NCK2: variants seen among roughly 807,000 people sequenced by gnomAD.
The protein encoded by NCK2 is cytoplasmic protein NCK2.
A neutral mutation model predicts 33.9 loss-of-function variants in NCK2; 16 were observed. That is an observed-to-expected ratio of 0.47 (90% CI 0.32 to 0.72). The LOEUF is 0.72. NCK2 is among the 30% of genes least tolerant of loss of function. The pLI, the probability that NCK2 is intolerant of heterozygous loss-of-function variation, is 0.03. For synonymous variants in NCK2, 273 were observed against 239.9 expected, an observed-to-expected ratio of 1.14 and a Z score of -1.27; for missense variants, 418 against 537.3, an observed-to-expected ratio of 0.78 and a Z score of 2.19.
At chr2:105,858,057 T>G (rs201886320) in intron 3 of NCK2, among the ~76,000 whole-genome samples, 25 of 93,056 alleles carry the variant, frequency 2.7e-4, no homozygotes, top group Admixed American at 6.5e-4. Context: ...GTTTTTTTTT[T>G]GTTTTTTTTT....
chr2:105,769,503 C>G (rs1316063114), intron 1 of NCK2, among the ~76,000 whole-genome samples: 2 of 152,160 alleles, frequency 1.3e-5, no homozygotes, highest in Non-Finnish European at 2.9e-5. Flanking sequence ...AAATGTAGCA[C>G]AAAAATTGTG....
At chr2:105,817,920 C>T (rs1212986645) in intron 2 of NCK2, among the ~76,000 whole-genome samples, 3 of 152,060 alleles carry the variant, frequency 2.0e-5, no homozygotes, top group Non-Finnish European at 2.9e-5. Context: ...CCAGCCATCC[C>T]ATTACTGGGT....
At chr2:105,786,550 C>T (rs1437150290) in intron 1 of NCK2, among the ~76,000 whole-genome samples, 3 of 152,200 alleles carry the variant, frequency 2.0e-5, no homozygotes, top group Non-Finnish European at 2.9e-5. Context: ...CTCATCCACA[C>T]CTTTAGGAAA....
intron 1 of NCK2, among the ~76,000 whole-genome samples, chr2:105,799,337 T>A (rs147765714): frequency 1.3e-3 from 196 of 152,324 alleles, no homozygotes; most frequent in African/African-American, 4.3e-3. Context: ...ATACTTTTAC[T>A]TTTTCATTGT....
upstream of NCK2, among the ~76,000 whole-genome samples, chr2:105,744,627 G>A (rs1313528026): frequency 6.6e-6 from 1 of 152,086 alleles, no homozygotes; most frequent in East Asian, 1.9e-4. Flanking sequence ...CCGGCGCCCG[G>A]CCCGTGCTGC....
chr2:105,771,085 G>A (rs575031241), intron 1 of NCK2, among the ~76,000 whole-genome samples: 1 of 151,944 alleles, frequency 6.6e-6, no homozygotes, highest in African/African-American at 2.4e-5. Flanking sequence ...ACCATGCCCA[G>A]CTACTTTTTT....
chr2:105,749,157 TC>T (rs1299161025), intron 1 of NCK2, among the ~76,000 whole-genome samples: 11 of 152,234 alleles, frequency 7.2e-5, no homozygotes, highest in Non-Finnish European at 4.4e-5. Context: ...GTTAGTCTGT[TC>T]CTATCAACCT....
chr2:105,891,564 T>TAAGA, intron 4 of NCK2, among the ~76,000 whole-genome samples: 3 of 12,572 alleles, frequency 2.4e-4, no homozygotes, highest in African/African-American at 1.2e-3. Flanking sequence ...TTTTTTTTTT[T>TAAGA]TTTTGAGATT....
At chr2:105,748,975 G>A (rs1174614882) in intron 1 of NCK2, among the ~76,000 whole-genome samples, 3 of 152,162 alleles carry the variant, frequency 2.0e-5, no homozygotes, top group African/African-American at 4.8e-5. Context: ...GACAATGGGA[G>A]AATTTGGTCT....
At chr2:105,793,986 A>G (rs1380797106) in intron 1 of NCK2, among the ~76,000 whole-genome samples, 1 of 151,024 alleles carries the variant, frequency 6.6e-6, no homozygotes, top group Non-Finnish European at 1.5e-5. Flanking sequence ...ATAATCTATT[A>G]TAAATTCACA....
chr2:105,799,988 G>A (rs1005982954), intron 1 of NCK2, among the ~76,000 whole-genome samples: 1 of 152,198 alleles, frequency 6.6e-6, no homozygotes, highest in African/African-American at 2.4e-5. Flanking sequence ...GGTCAGCGTA[G>A]CTTCTGGTAA....
At chr2:105,744,645 G>A (rs1689196601), upstream of NCK2, among the ~76,000 whole-genome samples, 1 of 151,900 alleles carries the variant, frequency 6.6e-6, no homozygotes, top group South Asian at 2.1e-4. Flanking sequence ...TGCGCCTCCA[G>A]AGCGGAGCGT....
chr2:105,767,794 G>A (rs1689995344), intron 1 of NCK2, among the ~76,000 whole-genome samples: 1 of 152,160 alleles, frequency 6.6e-6, no homozygotes, highest in Admixed American at 6.5e-5. Flanking sequence ...GAAAGGAGGA[G>A]GAGGATACCC....
At chr2:105,829,628 T>G (rs1676090454) in intron 2 of NCK2, among the ~76,000 whole-genome samples, 1 of 152,166 alleles carries the variant, frequency 6.6e-6, no homozygotes, top group Admixed American at 6.5e-5. Context: ...AATTGAGAGT[T>G]GTCTGATGAT....
At chr2:105,891,224 G>T (rs952431184) in intron 4 of NCK2, among the ~76,000 whole-genome samples, 1 of 152,040 alleles carries the variant, frequency 6.6e-6, no homozygotes, top group Admixed American at 6.6e-5. Flanking sequence ...TTAGAGCTGC[G>T]GTATCTCATG....
At chr2:105,825,680 C>T (rs1218152133) in intron 2 of NCK2, among the ~76,000 whole-genome samples, 1 of 152,170 alleles carries the variant, frequency 6.6e-6, no homozygotes, top group Non-Finnish European at 1.5e-5. Context: ...AGATTTTTTA[C>T]GGAGCCCTTA....
In NCK2 at chr2:105,842,320, A is replaced by G. The variant is rs11887355; in HGVS notation, c.-16-12728A>G. Among the ~76,000 whole-genome samples, 734 of 143,630 alleles carry G rather than the reference A, an allele frequency of 5.1e-3. 11 individuals carry two copies. The highest frequency in any genetic ancestry group is 0.017 in the African/African-American group (703 of 41,282). The allele number at this position is 143,630 out of a possible 152,430, so 94.2% of individuals were successfully genotyped here. A position where few individuals can be genotyped will look rare whatever the true frequency, so the allele number is the denominator to read the frequency against. ...AGGCTAGTCTTGAACTCCTGACCTC[A>G]GGTGATCTACCTGCCTCAGCCTCTC... On this transcript the variant is annotated intron_variant, in intron 2 of 4. Coordinates refer to ENST00000233154, the MANE Select transcript of NCK2 (RefSeq NM_003581.5).
intron 3 of NCK2, chr2:105,855,560 C>T: frequency 6.5e-6 from 2 of 307,818 alleles, no homozygotes; most frequent in Non-Finnish European, 1.2e-5. Context: ...TGTATCAAAA[C>T]GTTAGAGGAG....
At chr2:105,838,834 A>G (rs969245998) in intron 2 of NCK2, among the ~76,000 whole-genome samples, 4 of 152,190 alleles carry the variant, frequency 2.6e-5, no homozygotes, top group Non-Finnish European at 5.9e-5. Flanking sequence ...GCACCCATCT[A>G]AGTCTTGGCT....
Sources: gnomAD v4.1 joint callset for allele counts (sites outside exome capture counted in the v4.1 genomes callset) on GRCh38, gnomAD v4.1.1 for gene constraint, MANE v1.5 for transcripts, NCBI Gene and HGNC (gene_info 2026-07-23, HGNC 2026-07-21) for gene names.